The following TAS1R1 variants were observed in gnomAD, a reference collection of about 807,000 sequenced individuals.
TAS1R1 encodes taste receptor type 1 member 1.
In TAS1R1, 31 loss-of-function variants were observed where a neutral mutation model predicts 45.8. The observed-to-expected ratio is 0.68, with a 90% CI of 0.51 to 0.91. The LOEUF (loss-of-function observed/expected upper bound fraction) is 0.91. Ranked by LOEUF, TAS1R1 falls within the 40% of genes least tolerant of loss-of-function variation. TAS1R1 has a pLI of 0.00. For missense variants in TAS1R1, 1,051 were observed against 1,063.9 expected (o/e 0.99, Z 0.17); for synonymous variants, 437 against 448.4 (o/e 0.97, Z 0.32).
intron 2 of TAS1R1, among the ~76,000 whole-genome samples, chr1:6,573,539 G>GCC (rs1410944716): frequency 2.6e-5 from 4 of 152,138 alleles, no homozygotes; most frequent in Non-Finnish European, 5.9e-5. Context: ...TACAGCAGTG[G>GCC]CCCCCAACCT....
chr1:6,579,026 A>T lies in TAS1R1; in HGVS notation c.1968A>T (p.Leu656=), dbSNP rs1276171412. Reference sequence around the variant, plus strand: ...GCCTGACAGTTCGCTCATTCCAACTAATCATCATCTTCAAGTTTTCCACCA... The same window carrying T: ...GCCTGACAGTTCGCTCATTCCAACTTATCATCATCTTCAAGTTTTCCACCA... ...LSCLTVRSFQ[L]IIIFKFSTKV... The change falls in exon 6 of 6, where the codon CTA becomes CTT. Residue 656 remains leucine (L), a synonymous_variant. Transcript: ENST00000333172. 8.1e-6 allele frequency: 13 copies of T among 1,613,160 alleles called. No homozygotes were observed. The highest frequency in any genetic ancestry group is 6.7e-5 in the African/African-American group (5 of 74,900).
rs3062936 is a variant in TAS1R1 at position 6,572,265 on chromosome 1, A to ATT, written c.498+1070_498+1071dup. On this transcript the variant is annotated intron_variant, in intron 2 of 5. Transcript: ENST00000333172. ...CCTTCTTTATCTTAGGTGACTTGTG[A>ATT]TTTTTTTTTTTTTTTTTTTTTGAGA... is the stretch of plus-strand genomic sequence containing the variant. Among the ~76,000 whole-genome samples, 86 of 102,294 alleles carry ATT rather than the reference A, an allele frequency of 8.4e-4. 2 individuals are homozygous for ATT. The highest frequency in any genetic ancestry group is 2.9e-3 in the African/African-American group (83 of 28,630). 67.1% of individuals were successfully genotyped at this position (102,294 alleles called of 152,430 possible). A position where few individuals can be genotyped will look rare whatever the true frequency, so the allele number is the denominator to read the frequency against.
At chr1:6,563,036 G>T (rs576764637) in intron 1 of TAS1R1, among the ~76,000 whole-genome samples, 6 of 152,298 alleles carry the variant, frequency 3.9e-5, no homozygotes, top group African/African-American at 1.4e-4. Context: ...TTGAAAGAGG[G>T]TATAAGGAGG....
chr1:6,563,530 G>A (rs540200065), intron 1 of TAS1R1, among the ~76,000 whole-genome samples: 64 of 152,244 alleles, frequency 4.2e-4, no homozygotes, highest in African/African-American at 1.4e-3. Flanking sequence ...CCTTCATAAC[G>A]GGGGTGACAG....
In TAS1R1 at chr1:6,569,546, G is replaced by C. The variant is rs555453846; in HGVS notation, c.192-1363G>C. 2.3e-3 allele frequency among the ~76,000 whole-genome samples: 349 copies of C among 152,332 alleles called. 2 individuals carry two copies. Among genetic ancestry groups the C allele is most frequent in the African/African-American group, 8.2e-3 (343 of 41,582 alleles). The stretch of plus-strand genomic sequence containing the variant: ...CCTCTGAATGGAGGCCGAGGGCATT[G>C]AGGTTGCATAGAAGACACCCAAGGG... On this transcript the variant is annotated intron_variant, in intron 1 of 5. Coordinates refer to ENST00000333172, the MANE Select transcript of TAS1R1 (RefSeq NM_138697.4).
chr1:6,577,017 A>G lies in TAS1R1; in HGVS notation c.1541A>G (p.His514Arg), dbSNP rs1640198651. ...CAGCGAGTGGTTACGGGTTTCCATC[A>G]CTGCTGCTTTGAGTGTGTGCCCTGT... ...GHQRVVTGFHHCCFECVPCGA... is the reference protein window; with the variant it reads ...GHQRVVTGFHRCCFECVPCGA... Residue 514 changes from histidine to arginine, a missense_variant, in exon 5 of 6, where the codon CAC becomes CGC. Coordinates refer to ENST00000333172, the MANE Select transcript of TAS1R1 (RefSeq NM_138697.4). 1.2e-6 allele frequency: 2 copies of G among 1,614,222 alleles called. No individual in the cohort carries two copies. The highest frequency in any genetic ancestry group is 2.2e-5 in the East Asian group (1 of 44,884).
chr1:6,555,437 G>C lies in TAS1R1; in HGVS notation c.64G>C (p.Ala22Pro). The change falls in exon 1 of 6, where the codon GCC (alanine) becomes CCC (proline). Residue 22 changes from alanine to proline, a missense_variant. Physicochemically the swap from Ala to Pro is conservative, Grantham distance 27 (BLOSUM62 -1). Coordinates refer to ENST00000333172, the MANE Select transcript of TAS1R1 (RefSeq NM_138697.4). Reference sequence around the variant, plus strand: ...TCTCATTTCCTGCTGCTGGGCCTTTGCCTGCCATAGCACGGAGTCTTCTCC... The same window carrying C: ...TCTCATTTCCTGCTGCTGGGCCTTTCCCTGCCATAGCACGGAGTCTTCTCC... ...QLLISCCWAF[A>P]CHSTESSPDF... The C allele has an allele frequency of 1.2e-6, 2 of 1,606,842 alleles. No individual in the cohort carries two copies.
rs374406276 is a variant in TAS1R1 at position 6,578,805 on chromosome 1, G to A, written c.1747G>A (p.Gly583Arg). ...CACGCTGCTGCTGCTGCTGCTGCTT[G>A]GGACTGCTGGCCTGTTTGCCTGGCA... ...ANTLLLLLLL[G>R]TAGLFAWHLD... The change falls in exon 6 of 6, where the codon GGG (glycine) becomes AGG (arginine). Residue 583 changes from glycine (G) to arginine (R), a missense_variant. Physicochemically the swap from Gly to Arg is moderately radical, Grantham distance 125. Coordinates refer to ENST00000333172, the MANE Select transcript of TAS1R1 (RefSeq NM_138697.4). 49 of 1,613,750 alleles carry A rather than the reference G, an allele frequency of 3.0e-5. No individual in the cohort carries two copies. The highest frequency in any genetic ancestry group is 3.4e-6 in the Non-Finnish European group (4 of 1,179,912).
At chr1:6,568,674 C>T (rs1216215431) in intron 1 of TAS1R1, among the ~76,000 whole-genome samples, 3 of 152,008 alleles carry the variant, frequency 2.0e-5, no homozygotes, top group Non-Finnish European at 4.4e-5. Flanking sequence ...ATGGGATGCC[C>T]GGCTGGGGTC....
rs748409523 is a variant in TAS1R1 at position 6,571,148 on chromosome 1, T to C, written c.431T>C (p.Ile144Thr). The C allele has an allele frequency of 2.5e-6, 4 of 1,610,776 alleles. No homozygotes were observed. The highest frequency in any genetic ancestry group is 1.7e-4 in the Middle Eastern group (1 of 6,042). ...LHYSPTVLAVIGPDSTNRAAT... is the reference protein window; with the variant it reads ...LHYSPTVLAVTGPDSTNRAAT... ...TATTCCCCTACGGTGCTGGCAGTGA[T>C]TGGGCCTGACAGCACCAACCGTGCT... is the stretch of plus-strand genomic sequence containing the variant. Residue 144 changes from isoleucine (I) to threonine (T), a missense_variant, in exon 2 of 6, where the codon ATT becomes ACT. Physicochemically the swap from Ile to Thr is moderately conservative, Grantham distance 89. Coordinates refer to ENST00000333172, the MANE Select transcript of TAS1R1 (RefSeq NM_138697.4).
In TAS1R1 at chr1:6,558,052, TTG is replaced by T. The variant is rs796838600; in HGVS notation, c.191+2490_191+2491del. ...TAGTGGTTAGTTTTTGTTTTTGTTTTTGTTTTTTTTCTGAGACAGGGTCTTCC... is the reference window on the plus strand; with the variant it reads ...TAGTGGTTAGTTTTTGTTTTTGTTTTTTTTTTTTCTGAGACAGGGTCTTCC... On this transcript the variant is annotated intron_variant, in intron 1 of 5. Transcript: ENST00000333172. 8.7e-4 allele frequency among the ~76,000 whole-genome samples: 130 copies of T among 148,934 alleles called. 1 individual carries two copies. In the Middle Eastern group the frequency reaches 0.01, roughly 12 times the overall value.
In TAS1R1 at chr1:6,579,384, T is replaced by G. The variant is rs1317623782; in HGVS notation, c.2326T>G (p.Phe776Val). The G allele has an allele frequency of 3.1e-6, 5 of 1,613,828 alleles. No individual in the cohort carries two copies. The highest frequency in any genetic ancestry group is 4.2e-6 in the Non-Finnish European group (5 of 1,180,066). The stretch of plus-strand genomic sequence containing the variant: ...CTTCAACTTCGTGTCCTGGATCGCC[T>G]TCTTCACCACGGCCAGCGTCTACGA... ...LLFNFVSWIA[F>V]FTTASVYDGK... is the part of the protein sequence containing the mutation. The change falls in exon 6 of 6, where the codon TTC (phenylalanine) becomes GTC (valine). Residue 776 changes from phenylalanine to valine, a missense_variant. Coordinates refer to ENST00000333172, the MANE Select transcript of TAS1R1 (RefSeq NM_138697.4).
chr1:6,561,863 G>C (rs1639795069), intron 1 of TAS1R1, among the ~76,000 whole-genome samples: 1 of 152,212 alleles, frequency 6.6e-6, no homozygotes, highest in South Asian at 2.1e-4. Flanking sequence ...ACCAGGCCGT[G>C]GGGGCTACGA....
rs756417134 is a variant in TAS1R1 at position 6,579,168 on chromosome 1, C to T, written c.2110C>T (p.Leu704=). ...AACTTGGCTGGTGGTGTGGACCCCA[C>T]TGCCTGCTAGGGAATACCAGCGCTT... is the stretch of plus-strand genomic sequence containing the variant. ...CLTWLVVWTP[L]PAREYQRFPH... Residue 704 remains leucine, a synonymous_variant, in exon 6 of 6, where the codon CTG becomes TTG. Transcript: ENST00000333172. 1.2e-6 allele frequency: 2 copies of T among 1,614,110 alleles called. No homozygotes were observed. Among genetic ancestry groups the T allele is most frequent in the African/African-American group, 2.7e-5 (2 of 74,946 alleles).
At chr1:6,561,281 G>A (rs989976414) in intron 1 of TAS1R1, among the ~76,000 whole-genome samples, 10 of 152,232 alleles carry the variant, frequency 6.6e-5, no homozygotes, top group African/African-American at 2.2e-4. Flanking sequence ...TCATTTAACC[G>A]TTGGGCAGCA....
rs537182456 is a variant in TAS1R1, at chr1:6,574,372, C to G, written c.499-259C>G. On this transcript the variant is annotated intron_variant, in intron 2 of 5. Transcript: ENST00000333172. The surrounding 1 kb of genome is among the most constrained non-coding windows in gnomAD (Gnocchi z 4.3). ...GGAAGTCCCTGAAGGTCCCCAAACA[C>G]ACGGGACTATTTCACTCCTATGCAG... Among the ~76,000 whole-genome samples the G allele has an allele frequency of 2.1e-4, 32 of 152,338 alleles. No individual in the cohort carries two copies. In the South Asian group the frequency reaches 6.4e-3, roughly 31 times the overall value.
chr1:6,556,093 G>T (rs1217463444), intron 1 of TAS1R1, among the ~76,000 whole-genome samples: 1 of 151,988 alleles, frequency 6.6e-6, no homozygotes, highest in Admixed American at 6.6e-5. Context: ...GAATGGTCTC[G>T]ATCTCCTGAC....
At chr1:6,567,584 A>C in intron 1 of TAS1R1, among the ~76,000 whole-genome samples, 1 of 145,440 alleles carries the variant, frequency 6.9e-6, no homozygotes, top group African/African-American at 2.5e-5. Flanking sequence ...AAAAGAGGAG[A>C]TCGGCTTACC....
At position 6,575,167 on chromosome 1, in the gene TAS1R1, C is replaced by G; in HGVS notation, c.1035C>G (p.Asp345Glu). 1 of 1,597,010 alleles carries G rather than the reference C, an allele frequency of 6.3e-7. No individual in the cohort carries two copies. The highest frequency in any genetic ancestry group is 8.5e-7 in the Non-Finnish European group (1 of 1,172,980). ...KAFEEAYARA[D>E]KKAPRPCHKG... Reference sequence around the variant, plus strand: ...TTGAAGAAGCCTATGCCCGGGCAGACAAGAAGGCCCCTAGGCCTTGCCACA... The same window carrying G: ...TTGAAGAAGCCTATGCCCGGGCAGAGAAGAAGGCCCCTAGGCCTTGCCACA... The change falls in exon 3 of 6, where the codon GAC (aspartate) becomes GAG (glutamate). Residue 345 changes from aspartate (D) to glutamate (E), a missense_variant. Physicochemically the swap from Asp to Glu is conservative, Grantham distance 45. Coordinates refer to ENST00000333172, the MANE Select transcript of TAS1R1 (RefSeq NM_138697.4).
Sources: gnomAD v4.1 joint callset for allele counts (sites outside exome capture counted in the v4.1 genomes callset) on GRCh38, gnomAD v4.1.1 for gene constraint, Gnocchi (gnomAD v3.1) non-coding constraint, MANE v1.5 for transcripts, NCBI Gene and HGNC (gene_info 2026-07-23, HGNC 2026-07-21) for gene names.